The following ADGRB1 variants were observed in gnomAD, a reference collection of about 807,000 sequenced individuals.
ADGRB1 encodes the protein adhesion G protein-coupled receptor B1.
A neutral mutation model predicts 175.7 loss-of-function variants in ADGRB1; 36 were observed. That is an observed-to-expected ratio of 0.20 (90% CI 0.16 to 0.27). The LOEUF (loss-of-function observed/expected upper bound fraction) is 0.27, where lower values mean the gene tolerates loss of function less well. Among genes scored for constraint, ADGRB1 ranks in the 10% least tolerant of loss-of-function variants. The probability of loss-of-function intolerance (pLI) is 1.00; values close to 1 mark genes in which losing one functional copy is unlikely to be tolerated. For synonymous variants in ADGRB1, 1,054 were observed against 979.4 expected (o/e 1.08, Z -1.42); for missense variants, 1,731 against 2,255.3 (o/e 0.77, Z 4.71).
intron 11 of ADGRB1, among the ~76,000 whole-genome samples, chr8:142,483,734 ACCCTGACCCTGGTCACATGCTGAG>A (rs1841512006): frequency 1.6e-5 from 1 of 61,690 alleles, no homozygotes; most frequent in Non-Finnish European, 2.7e-5. Context: ...CACATGCTGA[ACCCTGACCCTGGTCACATGCTGAG>A]CCCTGACCCT....
chr8:142,542,776 C>T lies in ADGRB1; in HGVS notation c.4413+129C>T. ...CTGGCTCTGCCTCCTAGCTACACCC[C>T]CCACCCCTGGCCCTGCTGGGTGTGC... On this transcript the variant is annotated intron_variant, in intron 28 of 30. Transcript: ENST00000517894. This position sits in a 1 kb window ranked among gnomAD's most constrained non-coding sequence, Gnocchi z 6.3. The T allele has an allele frequency of 4.8e-6, 4 of 841,112 alleles. No homozygotes were observed. Among genetic ancestry groups the T allele is most frequent in the Non-Finnish European group, 7.0e-6 (4 of 567,906 alleles). 52.1% of individuals were successfully genotyped at this position (841,112 alleles called of 1,614,324 possible).
chr8:142,522,262 C>T (rs1450457918), intron 21 of ADGRB1, 147 bp downstream of exon 21: 8 of 1,163,430 alleles, frequency 6.9e-6, no homozygotes, highest in African/African-American at 1.5e-5. Flanking sequence ...TCTGGGCCCT[C>T]GTTCTTCCAT....
rs1041907039 is a variant in ADGRB1 at position 142,544,441 on chromosome 8, T to G, written c.*24T>G. On this transcript the variant is annotated 3_prime_UTR_variant, in exon 31 of 31. Transcript: ENST00000517894. ...GAGCGGGTGGGCGGCGGCCACGCAC[T>G]GGGCCACGGAGGAGGGATGCTGCTC... The G allele has an allele frequency of 6.9e-7, 1 of 1,449,636 alleles. No individual in the cohort carries two copies. The highest frequency in any genetic ancestry group is 9.1e-7 in the Non-Finnish European group (1 of 1,102,032). The allele number at this position is 1,449,636 out of a possible 1,614,324, so 89.8% of individuals were successfully genotyped here. A position where few individuals can be genotyped will look rare whatever the true frequency, so the allele number is the denominator to read the frequency against.
intron 21 of ADGRB1, 100 bp from the exon 22 acceptor site, chr8:142,522,541 C>T (rs908968928): frequency 1.2e-5 from 15 of 1,204,990 alleles, no homozygotes; most frequent in African/African-American, 7.9e-5. Context: ...GCTTCAGAAG[C>T]GCCTGCCTGG....
rs1316725080 is a variant in ADGRB1 at position 142,537,992 on chromosome 8, C to G, written c.3666+910C>G. On this transcript the variant is annotated intron_variant, in intron 26 of 30. Coordinates refer to ENST00000517894, the MANE Select transcript of ADGRB1 (RefSeq NM_001702.3). This position sits in a 1 kb window ranked among gnomAD's most constrained non-coding sequence, Gnocchi z 4.6. ...ACACAGGGTGGAGCCAGGCCCCCTTCTCCACCCTCTAGGCCTCAGGACAGC... is the reference window on the plus strand; with the variant it reads ...ACACAGGGTGGAGCCAGGCCCCCTTGTCCACCCTCTAGGCCTCAGGACAGC... Among the ~76,000 whole-genome samples the G allele has an allele frequency of 6.6e-6, 1 of 152,208 alleles. No individual in the cohort carries two copies. The highest frequency in any genetic ancestry group is 6.5e-5 in the Admixed American group (1 of 15,286).
Position 142,511,928 on chromosome 8 carries a change from AG to A in ADGRB1, c.2817+859del, listed in dbSNP as rs1413944084. On this transcript the variant is annotated intron_variant, in intron 18 of 30. Transcript: ENST00000517894. The surrounding 1 kb of genome is among the most constrained non-coding windows in gnomAD (Gnocchi z 4.5). ...CAGCAGGGGTGGAGGATGCACTTGG[AG>A]GGGACCTGTCCTTCCTGGGTGTTGG... Among the ~76,000 whole-genome samples the A allele has an allele frequency of 6.6e-6, 1 of 152,124 alleles. No individual in the cohort carries two copies. Among genetic ancestry groups the A allele is most frequent in the Non-Finnish European group, 1.5e-5 (1 of 67,996 alleles).
chr8:142,459,936 G>A (rs1220715289), intron 1 of ADGRB1, among the ~76,000 whole-genome samples: 6 of 152,218 alleles, frequency 3.9e-5, no homozygotes, highest in South Asian at 2.1e-4. Context: ...CCACTCAGGC[G>A]CTGACGCCTC....
chr8:142,472,543 C>T (rs376246212), intron 2 of ADGRB1, among the ~76,000 whole-genome samples: 33 of 152,330 alleles, frequency 2.2e-4, no homozygotes, highest in East Asian at 1.3e-3. Flanking sequence ...CCCTGCACTG[C>T]GGACCCCAGG....
chr8:142,509,607 C>T (rs1339148369), intron 17 of ADGRB1, among the ~76,000 whole-genome samples: 2 of 152,166 alleles, frequency 1.3e-5, no homozygotes, highest in South Asian at 2.1e-4. Context: ...GGCACCTTGC[C>T]GCACTCGTTC....
chr8:142,510,832 G>A lies in ADGRB1; in HGVS notation c.2676-100G>A. On this transcript the variant is annotated intron_variant, in intron 17 of 30. Transcript: ENST00000517894. The surrounding 1 kb of genome is among the most constrained non-coding windows in gnomAD (Gnocchi z 6.3). ...GGTGCGGGGCGGCGGGCCGGGGCCG[G>A]GGCCGGGGCGCGGAGCCGCCGCTCG... 1 of 590,474 alleles carries A rather than the reference G, an allele frequency of 1.7e-6. No individual in the cohort carries two copies. The highest frequency in any genetic ancestry group is 2.1e-6 in the Non-Finnish European group (1 of 472,312). The allele number at this position is 590,474 out of a possible 1,614,324, so 36.6% of individuals were successfully genotyped here. A position where few individuals can be genotyped will look rare whatever the true frequency, so the allele number is the denominator to read the frequency against.
intron 2 of ADGRB1, 35 bp downstream of exon 2, chr8:142,465,017 A>G: frequency 2.1e-6 from 2 of 964,154 alleles, no homozygotes; most frequent in Non-Finnish European, 2.6e-6. Context: ...CGGACAGGGG[A>G]GGTGGGCAGA....
chr8:142,469,749 G>A (rs935392939), intron 2 of ADGRB1, among the ~76,000 whole-genome samples: 5 of 152,118 alleles, frequency 3.3e-5, no homozygotes, highest in Non-Finnish European at 7.4e-5. Flanking sequence ...GAATGTGTGA[G>A]TGCCTGTGTG....
chr8:142,499,375 G>A (rs1457231753), intron 17 of ADGRB1, among the ~76,000 whole-genome samples: 1 of 152,218 alleles, frequency 6.6e-6, no homozygotes, highest in Non-Finnish European at 1.5e-5. Context: ...TACCCTCCAA[G>A]TCCAGGACGG....
intron 2 of ADGRB1, among the ~76,000 whole-genome samples, chr8:142,470,395 G>T (rs975703747): frequency 6.6e-6 from 1 of 151,556 alleles, no homozygotes; most frequent in Non-Finnish European, 1.5e-5. Flanking sequence ...GTGTGTCCTC[G>T]TGTGTGTGTG....
rs1587456438 is a variant in ADGRB1, at chr8:142,543,353, G to A, written c.4414-50G>A. ...TCAGTCTGAGGCAGGGAGAGGCGTG[G>A]ACTTGTCAGGGACCCTTGGCGAATG... On this transcript the variant is annotated intron_variant, in intron 28 of 30. Coordinates refer to ENST00000517894, the MANE Select transcript of ADGRB1 (RefSeq NM_001702.3). The surrounding 1 kb of genome is among the most constrained non-coding windows in gnomAD (Gnocchi z 4.4). The A allele has an allele frequency of 6.2e-7, 1 of 1,610,922 alleles. No homozygotes were observed. Among genetic ancestry groups the A allele is most frequent in the Non-Finnish European group, 8.5e-7 (1 of 1,178,402 alleles).
intron 24 of ADGRB1, among the ~76,000 whole-genome samples, chr8:142,532,857 C>T (rs567842504): frequency 2.0e-5 from 3 of 152,280 alleles, no homozygotes; most frequent in South Asian, 2.1e-4. Context: ...TGTCTCCCTT[C>T]CCCTGTCACC....
In ADGRB1 at chr8:142,504,611, C is replaced by T. The variant is rs1043369081; in HGVS notation, c.2676-6321C>T. ...AGGGCAGGGGGGAAGTCTGGTTATC[C>T]AGGTAGACTTCCTGGAGGAGGACAC... is the stretch of plus-strand genomic sequence containing the variant. On this transcript the variant is annotated intron_variant, in intron 17 of 30. Transcript: ENST00000517894. This position sits in a 1 kb window ranked among gnomAD's most constrained non-coding sequence, Gnocchi z 5.6. 5.3e-5 allele frequency among the ~76,000 whole-genome samples: 8 copies of T among 152,078 alleles called. No individual in the cohort carries two copies. The highest frequency in any genetic ancestry group is 8.8e-5 in the Non-Finnish European group (6 of 67,992).
At chr8:142,475,347 C>G (rs1840895568) in intron 2 of ADGRB1, 127 bp from the exon 3 acceptor site, 2 of 995,042 alleles carry the variant, frequency 2.0e-6, no homozygotes, top group Non-Finnish European at 2.6e-6. Context: ...CCAGGCCAGG[C>G]CTTCCCCGGC....
chr8:142,529,423 C>T (rs576992468), intron 24 of ADGRB1, among the ~76,000 whole-genome samples: 1 of 152,186 alleles, frequency 6.6e-6, no homozygotes, highest in Admixed American at 6.5e-5. Context: ...GCCCCCATAC[C>T]CCCTTGGGTG....
Sources: gnomAD v4.1 joint callset for allele counts (sites outside exome capture counted in the v4.1 genomes callset) on GRCh38, gnomAD v4.1.1 for gene constraint, Gnocchi (gnomAD v3.1) non-coding constraint, MANE v1.5 for transcripts, NCBI Gene and HGNC (gene_info 2026-07-23, HGNC 2026-07-21) for gene names.